The following WASF1 variants were observed in gnomAD, a reference collection of about 807,000 sequenced individuals.
The protein encoded by WASF1 is actin-binding protein WASF1.
A neutral mutation model predicts 50.5 loss-of-function variants in WASF1; 7 were observed. That is an observed-to-expected ratio of 0.14 (90% CI 0.08 to 0.26). The LOEUF is 0.26. Ranked by LOEUF, WASF1 falls within the 10% of genes least tolerant of loss-of-function variation. WASF1 has a pLI of 1.00. For missense variants in WASF1, 470 were observed against 694.7 expected (o/e 0.68, Z 3.64); for synonymous variants, 205 against 244.0 (o/e 0.84, Z 1.49).
chr6:110,116,940 TCTGA>T (rs1193964193), intron 4 of WASF1, among the ~76,000 whole-genome samples: 1 of 151,598 alleles, frequency 6.6e-6, no homozygotes, highest in Non-Finnish European at 1.5e-5. Context: ...AGCTGAGGGG[TCTGA>T]CTGTTAGAAG....
intron 3 of WASF1, among the ~76,000 whole-genome samples, chr6:110,131,165 C>T (rs1295867465): frequency 6.6e-6 from 1 of 152,104 alleles, no homozygotes; most frequent in African/African-American, 2.4e-5. Context: ...TTTTACGCTC[C>T]ATGTGGTAGG....
At chr6:110,128,800 G>A (rs1774527039) in intron 3 of WASF1, among the ~76,000 whole-genome samples, 1 of 152,216 alleles carries the variant, frequency 6.6e-6, no homozygotes, top group Non-Finnish European at 1.5e-5. Flanking sequence ...CGGTAGGTGA[G>A]CAAGCATTAC....
chr6:110,135,557 T>C (rs1774908239), intron 3 of WASF1, among the ~76,000 whole-genome samples: 1 of 152,118 alleles, frequency 6.6e-6, no homozygotes, highest in African/African-American at 2.4e-5. Context: ...AATCTAATTG[T>C]ATGAGATGTA....
chr6:110,169,320 A>T (rs750893383), intron 2 of WASF1, among the ~76,000 whole-genome samples: 2 of 152,078 alleles, frequency 1.3e-5, no homozygotes, highest in Admixed American at 1.3e-4. Flanking sequence ...AATCAAATTC[A>T]TTATCCATCA....
intron 8 of WASF1, 27 bp downstream of exon 8, chr6:110,105,380 T>TAAA: frequency 8.2e-7 from 1 of 1,215,512 alleles, no homozygotes; most frequent in Non-Finnish European, 1.1e-6. Flanking sequence ...TTTTATCATT[T>TAAA]AAAAAAAAAA....
intron 7 of WASF1, among the ~76,000 whole-genome samples, chr6:110,106,014 G>GA (rs1198079578): frequency 2.6e-5 from 4 of 152,180 alleles, no homozygotes; most frequent in East Asian, 1.9e-4. Context: ...CAACACATTA[G>GA]AAAAAAATCC....
At chr6:110,145,378 C>T (rs1464569929) in intron 3 of WASF1, among the ~76,000 whole-genome samples, 2 of 152,158 alleles carry the variant, frequency 1.3e-5, no homozygotes, top group African/African-American at 4.8e-5. Flanking sequence ...ATGGGGTTTT[C>T]TAGATATACA....
Position 110,113,389 on chromosome 6 carries a change from A to G in WASF1, c.205T>C (p.Leu69=), listed in dbSNP as rs1368285182. The change falls in exon 5 of 11, where the codon TTG becomes CTG. Residue 69 remains leucine, a synonymous_variant. Transcript: ENST00000392589. ...GATAAACGGTCCACACGTTCTTGCA[A>G]TGAGTTGACTCTGAAGGAAAAACTA... ...AHSFSFRVNS[L]QERVDRLSVS... is the part of the protein sequence containing the mutation. 9.3e-6 allele frequency: 15 copies of G among 1,606,922 alleles called. No individual in the cohort carries two copies. The highest frequency in any genetic ancestry group is 1.3e-5 in the African/African-American group (1 of 74,596).
intron 2 of WASF1, among the ~76,000 whole-genome samples, chr6:110,176,374 TAAG>T (rs1417966951): frequency 1.3e-5 from 2 of 152,086 alleles, no homozygotes; most frequent in African/African-American, 4.8e-5. Flanking sequence ...AAGTGAGCTA[TAAG>T]AAGAAAATTG....
chr6:110,159,100 A>G (rs1161255137), intron 3 of WASF1, among the ~76,000 whole-genome samples: 1 of 151,962 alleles, frequency 6.6e-6, no homozygotes, highest in African/African-American at 2.4e-5. Flanking sequence ...ATTTCTCCGT[A>G]TGTCCCATAG....
At chr6:110,109,866 T>A (rs1422331076) in intron 5 of WASF1, among the ~76,000 whole-genome samples, 2 of 151,928 alleles carry the variant, frequency 1.3e-5, no homozygotes, top group South Asian at 4.1e-4. Context: ...AGCCAACAAT[T>A]CTTAAGTTAT....
chr6:110,129,582 GC>G (rs1240379160), intron 3 of WASF1, among the ~76,000 whole-genome samples: 1 of 148,396 alleles, frequency 6.7e-6, no homozygotes, highest in Non-Finnish European at 1.5e-5. Context: ...GACAGTGGAA[GC>G]ACAAAAGATA....
chr6:110,175,743 A>G (rs1013340936), intron 2 of WASF1, among the ~76,000 whole-genome samples: 1 of 152,140 alleles, frequency 6.6e-6, no homozygotes, highest in African/African-American at 2.4e-5. Flanking sequence ...CTGAACTGAG[A>G]AACAGCCTCC....
At chr6:110,177,164 C>T (rs1776967788) in intron 2 of WASF1, 1 of 151,946 alleles carries the variant, frequency 6.6e-6, no homozygotes. Context: ...ATGATCACAA[C>T]TATGTATTTT....
intron 3 of WASF1, among the ~76,000 whole-genome samples, chr6:110,140,487 CCTGAACTTGCAA>C (rs1271675705): frequency 6.6e-6 from 1 of 152,134 alleles, no homozygotes; most frequent in Non-Finnish European, 1.5e-5. Context: ...GTTCCAGAGG[CCTGAACTTGCAA>C]CTGGTATCTC....
chr6:110,112,822 C>T (rs996044928), intron 5 of WASF1, among the ~76,000 whole-genome samples: 3 of 150,702 alleles, frequency 2.0e-5, no homozygotes, highest in African/African-American at 7.3e-5. Flanking sequence ...ATTGCTTGAA[C>T]CTGGGAGGTG....
At chr6:110,112,509 T>C (rs1332740522) in intron 5 of WASF1, among the ~76,000 whole-genome samples, 1 of 152,222 alleles carries the variant, frequency 6.6e-6, no homozygotes, top group Non-Finnish European at 1.5e-5. Context: ...CCCTACATAC[T>C]GGCAATTTGT....
At chr6:110,178,218 A>G (rs1398137026) in intron 2 of WASF1, among the ~76,000 whole-genome samples, 1 of 152,168 alleles carries the variant, frequency 6.6e-6, no homozygotes, top group Non-Finnish European at 1.5e-5. Flanking sequence ...AAACAAATAC[A>G]AAACTTTTCT....
chr6:110,146,266 T>A (rs541504217), intron 3 of WASF1, among the ~76,000 whole-genome samples: 2 of 152,322 alleles, frequency 1.3e-5, no homozygotes, highest in East Asian at 3.9e-4. Context: ...ATTTCAAATA[T>A]GTTAAGAATT....
Sources: gnomAD v4.1 joint callset for allele counts (sites outside exome capture counted in the v4.1 genomes callset) on GRCh38, gnomAD v4.1.1 for gene constraint, MANE v1.5 for transcripts, NCBI Gene and HGNC (gene_info 2026-07-23, HGNC 2026-07-21) for gene names.